GLRA1: variants seen among roughly 807,000 people sequenced by gnomAD.
GLRA1 encodes the protein glycine receptor alpha 1.
Under a neutral mutation model 48.3 loss-of-function variants are expected in GLRA1, and 37 were observed. The observed-to-expected ratio is 0.77, with a 90% CI of 0.59 to 1.01. The LOEUF is 1.01. GLRA1 is among the 50% of genes least tolerant of loss of function. The pLI is 0.00. For synonymous variants in GLRA1, 196 were observed against 210.7 expected, an observed-to-expected ratio of 0.93 and a Z score of 0.60; for missense variants, 427 against 571.0, an observed-to-expected ratio of 0.75 and a Z score of 2.57.
chr5:151,888,310 G>A (rs1470952928), intron 2 of GLRA1, among the ~76,000 whole-genome samples: 1 of 152,174 alleles, frequency 6.6e-6, no homozygotes, highest in African/African-American at 2.4e-5. Context: ...GAGAAACTAG[G>A]TTTTTCCTTC....
chr5:151,849,199 T>C (rs1752798075), intron 7 of GLRA1: 1 of 108,504 alleles, frequency 9.2e-6, no homozygotes, highest in African/African-American at 4.3e-5. Flanking sequence ...TTTCTTTCTT[T>C]TCTTTCTTTC....
chr5:151,824,784 G>A (rs1167436883), intron 8 of GLRA1, among the ~76,000 whole-genome samples: 4 of 151,922 alleles, frequency 2.6e-5, no homozygotes, highest in Non-Finnish European at 4.4e-5. Flanking sequence ...TTCTTGATTA[G>A]CGTCTGTCTC....
chr5:151,849,216 T>C (rs1752802555), intron 7 of GLRA1, among the ~76,000 whole-genome samples: 1 of 94,272 alleles, frequency 1.1e-5, no homozygotes, highest in Admixed American at 1.0e-4. Context: ...TTTCCTTCCT[T>C]TCTTCCTTCC....
intron 1 of GLRA1, among the ~76,000 whole-genome samples, chr5:151,912,716 A>G (rs917869274): frequency 6.6e-6 from 1 of 152,200 alleles, no homozygotes; most frequent in Non-Finnish European, 1.5e-5. Flanking sequence ...AAGCAATTTG[A>G]TTTAACAAAC....
In GLRA1 at chr5:151,889,682, T is replaced by C. The variant is rs935686493; in HGVS notation, c.184+2629A>G. Among the ~76,000 whole-genome samples, 9 of 152,132 alleles carry C rather than the reference T, an allele frequency of 5.9e-5. 1 individual carries two copies. The highest frequency in any genetic ancestry group is 4.6e-4 in the Admixed American group (7 of 15,278). On this transcript the variant is annotated intron_variant, in intron 2 of 8. Coordinates refer to ENST00000274576, the MANE Select transcript of GLRA1 (RefSeq NM_000171.4). ...ACAATGCAGACCTCTTTCTATCATG[T>C]TGGAGTCATAGGGGCCCTGATCCTC...
chr5:151,920,644 A>G (rs1207668638), intron 1 of GLRA1, among the ~76,000 whole-genome samples: 1 of 152,090 alleles, frequency 6.6e-6, no homozygotes, highest in Non-Finnish European at 1.5e-5. Flanking sequence ...TTACAGTAAG[A>G]ATACTTAATA....
At chr5:151,835,156 A>G (rs547275493) in intron 7 of GLRA1, among the ~76,000 whole-genome samples, 1 of 152,302 alleles carries the variant, frequency 6.6e-6, no homozygotes, top group South Asian at 2.1e-4. Context: ...CTCTATGCAA[A>G]TAAACTAGAA....
At chr5:151,876,127 C>G (rs1753623679) in intron 3 of GLRA1, among the ~76,000 whole-genome samples, 1 of 152,118 alleles carries the variant, frequency 6.6e-6, no homozygotes, top group Non-Finnish European at 1.5e-5. Context: ...TCAATTTATC[C>G]TTTGCTTTCT....
intron 2 of GLRA1, among the ~76,000 whole-genome samples, chr5:151,887,923 A>G (rs1433375272): frequency 2.0e-5 from 3 of 152,236 alleles, no homozygotes; most frequent in East Asian, 1.9e-4. Context: ...GATGACTTTG[A>G]AGGTGAATAG....
chr5:151,907,064 C>T (rs546340415), intron 1 of GLRA1, among the ~76,000 whole-genome samples: 12 of 152,320 alleles, frequency 7.9e-5, no homozygotes, highest in South Asian at 6.2e-4. Flanking sequence ...GTAAGGATGA[C>T]AGCTGAGGAG....
chr5:151,911,045 A>G (rs898411827), intron 1 of GLRA1, among the ~76,000 whole-genome samples: 2 of 152,218 alleles, frequency 1.3e-5, no homozygotes, highest in African/African-American at 4.8e-5. Context: ...TAATTGATAG[A>G]AAGCCCATTG....
intron 4 of GLRA1, 24 bp from the exon 5 acceptor site, chr5:151,856,407 T>A: frequency 1.3e-6 from 2 of 1,482,368 alleles, no homozygotes. Flanking sequence ...GGATTTTGAA[T>A]GATGCAGGAT....
chr5:151,905,076 C>T lies in GLRA1; in HGVS notation c.57-12638G>A, dbSNP rs540345579. Among the ~76,000 whole-genome samples the T allele has an allele frequency of 2.8e-4, 42 of 152,258 alleles. No homozygotes were observed. The South Asian group carries it at 5.8e-3, about 21-fold the overall frequency. Reference sequence around the variant, plus strand: ...GGTAACAGAGCAGTAATTGCTGCTGCACATATGGAAACTGTCCAGTGGCAA... The same window carrying T: ...GGTAACAGAGCAGTAATTGCTGCTGTACATATGGAAACTGTCCAGTGGCAA... On this transcript the variant is annotated intron_variant, in intron 1 of 8. Transcript: ENST00000274576.
chr5:151,850,297 C>T, intron 7 of GLRA1: 1 of 1,602,242 alleles, frequency 6.2e-7, no homozygotes, highest in Non-Finnish European at 8.5e-7. Flanking sequence ...CAAACCGGAC[C>T]CTGTGAAAGA....
At chr5:151,876,460 C>T (rs779619254) in intron 3 of GLRA1, among the ~76,000 whole-genome samples, 5 of 152,250 alleles carry the variant, frequency 3.3e-5, no homozygotes, top group Non-Finnish European at 5.9e-5. Context: ...GTGCCTGACA[C>T]GTACATATTC....
At chr5:151,895,351 A>C (rs972623150) in intron 1 of GLRA1, among the ~76,000 whole-genome samples, 1 of 152,096 alleles carries the variant, frequency 6.6e-6, no homozygotes, top group African/African-American at 2.4e-5. Flanking sequence ...TGTATATTGC[A>C]TGTGTTTGTT....
intron 1 of GLRA1, among the ~76,000 whole-genome samples, chr5:151,901,165 T>C (rs1297970002): frequency 1.3e-5 from 2 of 152,228 alleles, no homozygotes; most frequent in Non-Finnish European, 2.9e-5. Flanking sequence ...ACCACTGGCC[T>C]AGGTCAAACC....
At chr5:151,846,870 C>A (rs1276420151) in intron 7 of GLRA1, among the ~76,000 whole-genome samples, 1 of 151,938 alleles carries the variant, frequency 6.6e-6, no homozygotes, top group Non-Finnish European at 1.5e-5. Flanking sequence ...CAATAATAAC[C>A]ATTGAGTTAA....
intron 2 of GLRA1, among the ~76,000 whole-genome samples, chr5:151,887,724 A>T (rs1325985853): frequency 6.6e-6 from 1 of 152,216 alleles, no homozygotes; most frequent in Non-Finnish European, 1.5e-5. Context: ...GCTCACGATC[A>T]CACAGACAGT....
Sources: allele counts gnomAD v4.1 joint callset (sites outside exome capture counted in the v4.1 genomes callset), GRCh38; gene constraint gnomAD v4.1.1; transcripts MANE v1.5; gene names NCBI Gene and HGNC (gene_info 2026-07-23, HGNC 2026-07-21).